The following ATP2B2 variants were observed in gnomAD, a reference collection of about 807,000 sequenced individuals.
ATP2B2 encodes the protein ATPase plasma membrane Ca2+ transporting 2.
A neutral mutation model predicts 120.0 loss-of-function variants in ATP2B2; 15 were observed. The ratio of observed to expected loss-of-function variants is 0.12; its 90% CI spans 0.08 to 0.19. The LOEUF (loss-of-function observed/expected upper bound fraction) is 0.19. Ranked by LOEUF, ATP2B2 falls within the 10% of genes least tolerant of loss-of-function variation. ATP2B2 has a pLI of 1.00. For synonymous variants in ATP2B2, 694 were observed against 700.3 expected, an observed-to-expected ratio of 0.99 and a Z score of 0.14; for missense variants, 1,045 against 1,719.8, an observed-to-expected ratio of 0.61 and a Z score of 6.94.
chr3:10,557,709 C>G (rs1284934612), intron 2 of ATP2B2, among the ~76,000 whole-genome samples: 1 of 152,174 alleles, frequency 6.6e-6, no homozygotes, highest in Non-Finnish European at 1.5e-5. Context: ...AGGGTACATT[C>G]TACACCATTA....
At chr3:10,695,997 C>G (rs542014662) in intron 1 of ATP2B2, among the ~76,000 whole-genome samples, 3 of 152,294 alleles carry the variant, frequency 2.0e-5, no homozygotes, top group Non-Finnish European at 2.9e-5. Flanking sequence ...ATCCCAGCCC[C>G]CAGCCACCCA....
intron 1 of ATP2B2, among the ~76,000 whole-genome samples, chr3:10,664,616 T>C (rs551910754): frequency 1.3e-5 from 2 of 152,310 alleles, no homozygotes; most frequent in Admixed American, 6.5e-5. Context: ...GAACTAATCC[T>C]ATTCACCAAA....
chr3:10,562,489 G>C (rs568497894), intron 2 of ATP2B2, among the ~76,000 whole-genome samples: 18 of 152,234 alleles, frequency 1.2e-4, no homozygotes, highest in African/African-American at 4.3e-4. Flanking sequence ...CTGGGTCTTG[G>C]GGAAGGAGGG....
intron 2 of ATP2B2, among the ~76,000 whole-genome samples, chr3:10,610,081 A>G (rs2069188791): frequency 1.0e-5 from 1 of 99,460 alleles, no homozygotes; most frequent in East Asian, 4.4e-4. Flanking sequence ...ACACATACAC[A>G]CACACACACA....
intron 2 of ATP2B2, among the ~76,000 whole-genome samples, chr3:10,587,336 G>GTATA (rs57544696): frequency 3.3e-5 from 5 of 151,022 alleles, no homozygotes; most frequent in Non-Finnish European, 5.9e-5. Flanking sequence ...CAATATATAT[G>GTATA]TATATATATA....
chr3:10,485,943 G>A (rs1248770905), intron 1 of ATP2B2, among the ~76,000 whole-genome samples: 9 of 152,334 alleles, frequency 5.9e-5, no homozygotes, highest in East Asian at 1.9e-4. Context: ...GGATGTGGGG[G>A]CCAGGGCATC....
intron 5 of ATP2B2, among the ~76,000 whole-genome samples, chr3:10,393,436 G>A (rs907803605): frequency 1.3e-5 from 2 of 152,132 alleles, no homozygotes; most frequent in African/African-American, 2.4e-5. Flanking sequence ...GCCACTTTTC[G>A]CTCAGCTGTC....
intron 2 of ATP2B2, among the ~76,000 whole-genome samples, chr3:10,555,574 T>G (rs1025726873): frequency 6.6e-6 from 1 of 152,232 alleles, no homozygotes; most frequent in African/African-American, 2.4e-5. Context: ...CCAACACATC[T>G]GGGCTCCAAT....
chr3:10,362,446 T>C (rs928758757), intron 12 of ATP2B2, among the ~76,000 whole-genome samples: 5 of 152,166 alleles, frequency 3.3e-5, no homozygotes, highest in African/African-American at 7.2e-5. Context: ...GACCTGGGGA[T>C]GCATAGGAAA....
intron 5 of ATP2B2, among the ~76,000 whole-genome samples, chr3:10,391,090 G>A (rs1311885943): frequency 6.6e-6 from 1 of 152,182 alleles, no homozygotes; most frequent in African/African-American, 2.4e-5. Context: ...ATAGGGCACA[G>A]AAAGCAGTAA....
chr3:10,381,145 G>A (rs1420008363), intron 8 of ATP2B2, among the ~76,000 whole-genome samples: 1 of 152,196 alleles, frequency 6.6e-6, no homozygotes, highest in African/African-American at 2.4e-5. Context: ...AGCACTGTCT[G>A]TTCAAGGGTA....
intron 1 of ATP2B2, among the ~76,000 whole-genome samples, chr3:10,699,625 G>A (rs2071787913): frequency 6.6e-6 from 1 of 152,120 alleles, no homozygotes; most frequent in Non-Finnish European, 1.5e-5. Flanking sequence ...TGGGGGATGT[G>A]ATAGTTTAAG....
intron 2 of ATP2B2, among the ~76,000 whole-genome samples, chr3:10,418,994 T>C (rs1207269322): frequency 6.6e-6 from 1 of 152,238 alleles, no homozygotes; most frequent in Non-Finnish European, 1.5e-5. Context: ...AGCAGGCTAA[T>C]GGGTAACCTC....
At chr3:10,551,155 A>G (rs1193416806) in intron 2 of ATP2B2, among the ~76,000 whole-genome samples, 3 of 152,126 alleles carry the variant, frequency 2.0e-5, no homozygotes, top group South Asian at 2.1e-4. Flanking sequence ...AAATAACTAC[A>G]CGTATTTTCT....
At chr3:10,358,668 A>G (rs2060808664) in intron 14 of ATP2B2, 23 bp downstream of exon 14, 3 of 1,612,950 alleles carry the variant, frequency 1.9e-6, no homozygotes, top group Non-Finnish European at 2.5e-6. Context: ...CCTTTCCCTG[A>G]GCTCGCTGGC....
chr3:10,707,579 C>A (rs532284043), intron 1 of ATP2B2, among the ~76,000 whole-genome samples: 8 of 152,082 alleles, frequency 5.3e-5, no homozygotes, highest in Non-Finnish European at 7.4e-5. Context: ...GTCCCGGACG[C>A]CCCCCCAGCT....
chr3:10,658,390 A>G (rs1254031756), intron 1 of ATP2B2, among the ~76,000 whole-genome samples: 1 of 152,228 alleles, frequency 6.6e-6, no homozygotes, highest in Admixed American at 6.5e-5. Context: ...AGTGTAGAGA[A>G]GTCCTTAAAT....
At chr3:10,394,764 A>T (rs867493871) in intron 5 of ATP2B2, among the ~76,000 whole-genome samples, 41 of 151,272 alleles carry the variant, frequency 2.7e-4, no homozygotes, top group Non-Finnish European at 5.3e-4. Context: ...TCTGGCTGGC[A>T]GGGGGAAGGG....
At chr3:10,679,775 G>A (rs1002074345) in intron 1 of ATP2B2, among the ~76,000 whole-genome samples, 1 of 152,174 alleles carries the variant, frequency 6.6e-6, no homozygotes, top group Non-Finnish European at 1.5e-5. Flanking sequence ...AAAGATATGT[G>A]CAATCTGGTG....
Sources: gnomAD v4.1 joint callset for allele counts (sites outside exome capture counted in the v4.1 genomes callset) on GRCh38, gnomAD v4.1.1 for gene constraint, MANE v1.5 for transcripts, NCBI Gene and HGNC (gene_info 2026-07-23, HGNC 2026-07-21) for gene names.